The following AMOTL1 variants were observed in gnomAD, a reference collection of about 807,000 sequenced individuals.
AMOTL1 encodes angiomotin like 1, also known as angiomotin-like protein 1.
Under a neutral mutation model 102.9 loss-of-function variants are expected in AMOTL1, and 45 were observed. The observed-to-expected ratio is 0.44, with a 90% CI of 0.34 to 0.56. The LOEUF is 0.56. AMOTL1 is among the 20% of genes least tolerant of loss of function. The pLI, the probability that AMOTL1 is intolerant of heterozygous loss-of-function variation, is 0.01. For missense variants in AMOTL1, 1,114 were observed against 1,225.6 expected (o/e 0.91, Z 1.36); for synonymous variants, 481 against 484.7 (o/e 0.99, Z 0.10).
intron 8 of AMOTL1, among the ~76,000 whole-genome samples, chr11:94,858,835 T>A (rs1318681883): frequency 1.3e-5 from 2 of 152,230 alleles, no homozygotes; most frequent in Non-Finnish European, 2.9e-5. Context: ...AGTATGAACA[T>A]CCTCAGTTTG....
At position 94,830,902 on chromosome 11, in the gene AMOTL1, T is replaced by C. The variant is rs75050034; in HGVS notation, c.1559-550T>C. 4.1e-4 allele frequency among the ~76,000 whole-genome samples: 62 copies of C among 152,388 alleles called. 1 individual carries two copies. In the East Asian group the frequency reaches 0.011, roughly 28 times the overall value. On this transcript the variant is annotated intron_variant, in intron 5 of 12. Transcript: ENST00000433060. The stretch of plus-strand genomic sequence containing the variant: ...TCTTTTGGGTTGAGTATCATCTGCA[T>C]CCAGTGAATACTTGTTGAGTTGGAT...
chr11:94,818,227 T>A (rs1270032514), intron 3 of AMOTL1, among the ~76,000 whole-genome samples: 1 of 152,160 alleles, frequency 6.6e-6, no homozygotes, highest in Non-Finnish European at 1.5e-5. Flanking sequence ...TAGAGCCAAA[T>A]AAAACCCTTT....
upstream of AMOTL1, among the ~76,000 whole-genome samples, chr11:94,764,524 CATT>C (rs1363353543): frequency 6.6e-6 from 1 of 152,194 alleles, no homozygotes; most frequent in African/African-American, 2.4e-5. Context: ...ATTCAACAGT[CATT>C]AATGGAGAAC....
rs993571342 is a variant in AMOTL1, at chr11:94,875,854, G to A, written c.*5059G>A. The A allele has an allele frequency of 2.0e-5, 3 of 152,266 alleles. No homozygotes were observed. The highest frequency in any genetic ancestry group is 4.8e-5 in the African/African-American group (2 of 41,438). 9.4% of individuals were successfully genotyped at this position (152,266 alleles called of 1,614,324 possible). A position where few individuals can be genotyped will look rare whatever the true frequency, so the allele number is the denominator to read the frequency against. ...TTTTAAAAATCAATTCTCTTGCCAT[G>A]CCTCCTATGTGTTCACATCTCTGCA... On this transcript the variant is annotated 3_prime_UTR_variant, in exon 13 of 13. Transcript: ENST00000433060.
intron 1 of AMOTL1, among the ~76,000 whole-genome samples, chr11:94,724,393 C>T (rs758864736): frequency 1.1e-4 from 16 of 152,128 alleles, no homozygotes; most frequent in Non-Finnish European, 2.1e-4. Context: ...AATTGTTTCA[C>T]AGAAGCGTTA....
rs559040666 is a variant in AMOTL1 at position 94,840,887 on chromosome 11, T to C, written c.1649-9227T>C. 3.4e-4 allele frequency among the ~76,000 whole-genome samples: 52 copies of C among 152,144 alleles called. 1 individual carries two copies. Among genetic ancestry groups the C allele is most frequent in the African/African-American group, 1.2e-3 (50 of 41,514 alleles). On this transcript the variant is annotated intron_variant, in intron 6 of 12. Transcript: ENST00000433060. The stretch of plus-strand genomic sequence containing the variant: ...GTAAAATTTACACACTTAAATGTCC[T>C]ATTTCCTGAAATGTAACAATGAGCA...
upstream of AMOTL1, chr11:94,768,265 C>T (rs1235383109): frequency 1.6e-6 from 2 of 1,216,206 alleles, no homozygotes; most frequent in Non-Finnish European, 1.0e-6. Flanking sequence ...CCGGGCGCCA[C>T]GGCGGGGGTG....
Position 94,859,720 on chromosome 11 carries a change from G to C in AMOTL1, c.2135+5G>C. On this transcript the variant is annotated splice_donor_5th_base_variant and intron_variant, in intron 9 of 12. Coordinates refer to ENST00000433060, the MANE Select transcript of AMOTL1 (RefSeq NM_130847.3). ...AGCCACTGCAGCAGCTGAGAGGTGA[G>C]ACCAGTGGAACTCTGGTGGTCATAA... The C allele has an allele frequency of 6.3e-7, 1 of 1,599,512 alleles. No homozygotes were observed. The highest frequency in any genetic ancestry group is 8.5e-7 in the Non-Finnish European group (1 of 1,171,684).
chr11:94,823,328 G>C (rs1951902111), intron 4 of AMOTL1, among the ~76,000 whole-genome samples: 1 of 152,102 alleles, frequency 6.6e-6, no homozygotes, highest in Admixed American at 6.5e-5. Context: ...AAAAATGAGA[G>C]CCAGAAACAG....
rs771617919 is a variant in AMOTL1 at position 94,869,424 on chromosome 11, C to A, written c.2715C>A (p.His905Gln). The A allele has an allele frequency of 1.1e-5, 18 of 1,604,534 alleles. No homozygotes were observed. The highest frequency in any genetic ancestry group is 1.4e-5 in the Non-Finnish European group (17 of 1,175,888). The stretch of plus-strand genomic sequence containing the variant: ...GCCGGCTGAGCACGACCCCTGCTCA[C>A]AGCCCCGTCCTGAAACACCCAGCGG... ...SRGRLSTTPA[H>Q]SPVLKHPAAK... Residue 905 changes from histidine to glutamine, a missense_variant, in exon 12 of 13, where the codon CAC becomes CAA. By Grantham distance (24) the His-to-Gln change is conservative. Coordinates refer to ENST00000433060, the MANE Select transcript of AMOTL1 (RefSeq NM_130847.3).
At chr11:94,721,494 G>T (rs924585866) in intron 1 of AMOTL1, among the ~76,000 whole-genome samples, 1 of 151,964 alleles carries the variant, frequency 6.6e-6, no homozygotes, top group Non-Finnish European at 1.5e-5. Context: ...CCTTTGGGAG[G>T]TGAATAAATT....
At chr11:94,730,075 AT>A (rs1358128119) in intron 2 of AMOTL1, among the ~76,000 whole-genome samples, 1 of 152,170 alleles carries the variant, frequency 6.6e-6, no homozygotes, top group Non-Finnish European at 1.5e-5. Flanking sequence ...ACCAACTGTC[AT>A]TTGTTCCTGT....
At chr11:94,867,706 G>T (rs953356163) in intron 11 of AMOTL1, among the ~76,000 whole-genome samples, 1 of 152,222 alleles carries the variant, frequency 6.6e-6, no homozygotes, top group Admixed American at 6.5e-5. Context: ...GGAGGTGGAG[G>T]TGACAGCATA....
At chr11:94,859,484 A>T (rs1952731085) in intron 8 of AMOTL1, 41 bp from the exon 9 acceptor site, 2 of 1,564,960 alleles carry the variant, frequency 1.3e-6, no homozygotes. Flanking sequence ...GACAGCATTG[A>T]TGTGGTTTTG....
chr11:94,823,896 A>G (rs1217775691), intron 4 of AMOTL1, among the ~76,000 whole-genome samples: 1 of 147,490 alleles, frequency 6.8e-6, no homozygotes, highest in Non-Finnish European at 1.5e-5. Flanking sequence ...TTTTTTTTGT[A>G]TTTTAGTAGA....
chr11:94,769,987 T>C (rs1950921442), intron 1 of AMOTL1, among the ~76,000 whole-genome samples: 1 of 152,180 alleles, frequency 6.6e-6, no homozygotes, highest in South Asian at 2.1e-4. Flanking sequence ...GGGCTATTAA[T>C]AGCTACAGTT....
At chr11:94,719,380 A>C (rs1018079916) in intron 1 of AMOTL1, among the ~76,000 whole-genome samples, 1 of 152,052 alleles carries the variant, frequency 6.6e-6, no homozygotes, top group Non-Finnish European at 1.5e-5. Context: ...AAAAATTACT[A>C]AATAAGTATA....
chr11:94,750,301 A>T (rs1383760684), intron 3 of AMOTL1, among the ~76,000 whole-genome samples: 1 of 152,258 alleles, frequency 6.6e-6, no homozygotes. Context: ...ACCCGTGAAC[A>T]CCGTGATAAT....
At chr11:94,855,071 CT>C (rs927505853) in intron 8 of AMOTL1, among the ~76,000 whole-genome samples, 64 of 152,158 alleles carry the variant, frequency 4.2e-4, no homozygotes, top group African/African-American at 1.5e-3. Flanking sequence ...GAGCAGAGGC[CT>C]TTATGTAGCT....
Sources: gnomAD v4.1 joint callset for allele counts (sites outside exome capture counted in the v4.1 genomes callset) on GRCh38, gnomAD v4.1.1 for gene constraint, MANE v1.5 for transcripts, NCBI Gene and HGNC (gene_info 2026-07-23, HGNC 2026-07-21) for gene names.